LPIN1: variants seen among roughly 807,000 people sequenced by gnomAD.
LPIN1 encodes phosphatidate phosphatase LPIN1.
Under a neutral mutation model 107.5 loss-of-function variants are expected in LPIN1, and 71 were observed. That is an observed-to-expected ratio of 0.66 (90% confidence interval 0.55 to 0.80). The LOEUF is 0.80. LPIN1 is among the 30% of genes least tolerant of loss of function. LPIN1 has a pLI of 0.00. For synonymous variants in LPIN1, 445 were observed against 452.6 expected, an observed-to-expected ratio of 0.98 and a Z score of 0.21; for missense variants, 1,043 against 1,160.6, an observed-to-expected ratio of 0.90 and a Z score of 1.47.
upstream of LPIN1, among the ~76,000 whole-genome samples, chr2:11,742,577 A>G (rs80102993): frequency 6.6e-6 from 1 of 152,180 alleles, no homozygotes; most frequent in Non-Finnish European, 1.5e-5. Context: ...CCACTGTAAC[A>G]GTCCACACTT....
chr2:11,766,919 T>C (rs1486489804), intron 2 of LPIN1, among the ~76,000 whole-genome samples: 1 of 152,202 alleles, frequency 6.6e-6, no homozygotes, highest in African/African-American at 2.4e-5. Flanking sequence ...AGGAAGCCTG[T>C]CCTATCTCCC....
rs555358598 is a variant in LPIN1 at position 11,796,091 on chromosome 2, C to T, written c.1886+604C>T. ...TTATGATGGTGGTATCATATACTGA[C>T]ACTGAATGATTTGCGCTGTACCATC... On this transcript the variant is annotated intron_variant, in intron 14 of 20. Transcript: ENST00000674199. 2.0e-5 allele frequency among the ~76,000 whole-genome samples: 3 copies of T among 152,332 alleles called. No individual in the cohort carries two copies. In the East Asian group the frequency reaches 5.8e-4, roughly 29 times the overall value.
At chr2:11,805,331 C>T in intron 17 of LPIN1, 175 bp downstream of exon 17, 1 of 667,758 alleles carries the variant, frequency 1.5e-6, no homozygotes. Flanking sequence ...GAAAGTGAAT[C>T]CCAGCAACTC....
intron 19 of LPIN1, 143 bp from the exon 20 acceptor site, chr2:11,820,268 G>A (rs1314733084): frequency 1.5e-6 from 1 of 658,302 alleles, no homozygotes; most frequent in Non-Finnish European, 2.8e-6. Context: ...TCCCATCAAA[G>A]GATATTCTTT....
chr2:11,821,760 G>T (rs775747899), intron 20 of LPIN1, among the ~76,000 whole-genome samples: 1 of 152,168 alleles, frequency 6.6e-6, no homozygotes, highest in Non-Finnish European at 1.5e-5. Context: ...TAGGCTAACA[G>T]GAGTCCTGGG....
intron 1 of LPIN1, among the ~76,000 whole-genome samples, chr2:11,706,264 G>A (rs761971639): frequency 4.6e-5 from 7 of 152,226 alleles, no homozygotes; most frequent in African/African-American, 1.4e-4. Flanking sequence ...GCAGCAAGGC[G>A]AGTGAACTGC....
chr2:11,816,283 G>C (rs975307715), intron 18 of LPIN1: 2 of 152,178 alleles, frequency 1.3e-5, no homozygotes, highest in Admixed American at 6.5e-5. Flanking sequence ...GCACAACCTA[G>C]TGTATTTCAA....
rs566143703 is a variant in LPIN1, at chr2:11,697,270, G to A, written c.82-16486G>A. On this transcript the variant is annotated intron_variant, in intron 1 of 21. Transcript: ENST00000449576. This position sits in a 1 kb window ranked among gnomAD's most constrained non-coding sequence, Gnocchi z 4.6. ...CCCCCAGCTGCTTCTGGATACAACC[G>A]CACTACCCAGATGCTTCCTGGCCTC... 1.3e-5 allele frequency among the ~76,000 whole-genome samples: 2 copies of A among 152,334 alleles called. No individual in the cohort carries two copies. The highest frequency in any genetic ancestry group is 2.4e-5 in the African/African-American group (1 of 41,576).
At chr2:11,723,517 C>T (rs1323306499), upstream of LPIN1, 1 of 152,226 alleles carries the variant, frequency 6.6e-6, no homozygotes, top group Non-Finnish European at 1.5e-5. Context: ...ATTACCTGGG[C>T]ATGGTGGCTG....
At position 11,787,078 on chromosome 2, in the gene LPIN1, A is replaced by G; in HGVS notation, c.1554A>G (p.Ala518=). The part of the protein sequence containing the change: ...LSDHREITKD[A]FLEQAVSYQQ... ...CCTCTGCAATTGCTGTCACAGATGC[A>G]TTCCTGGAGCAAGCTGTGTCATATC... The change falls in exon 11 of 21, where the codon GCA becomes GCG. Residue 518 remains alanine, a synonymous_variant. Coordinates refer to ENST00000674199, the MANE Select transcript of LPIN1 (RefSeq NM_001349206.2). 1 of 1,612,444 alleles carries G rather than the reference A, an allele frequency of 6.2e-7. No homozygotes were observed. The highest frequency in any genetic ancestry group is 8.5e-7 in the Non-Finnish European group (1 of 1,178,434).
rs1284445623 is a variant in LPIN1 at position 11,746,664 on chromosome 2, G to A, written c.-17G>A. ...CAATACAAAGGCGGCCACGCGCGGC[G>A]CCGCTCGGTGAGTAGCCGCCGCCTC... On this transcript the variant is annotated 5_prime_UTR_variant, in exon 1 of 21. Transcript: ENST00000674199. 1.2e-5 allele frequency: 12 copies of A among 984,936 alleles called. No homozygotes were observed. The highest frequency in any genetic ancestry group is 1.3e-5 in the Non-Finnish European group (11 of 829,696). The allele number at this position is 984,936 out of a possible 1,614,324, so 61.0% of individuals were successfully genotyped here.
chr2:11,758,931 A>T (rs1669088675), intron 1 of LPIN1, among the ~76,000 whole-genome samples: 1 of 152,206 alleles, frequency 6.6e-6, no homozygotes, highest in Middle Eastern at 3.2e-3. Flanking sequence ...AGAACAAGAG[A>T]GCAGAGCAAC....
chr2:11,740,683 C>T (rs539153348), intron 1 of LPIN1, among the ~76,000 whole-genome samples: 4,094 of 45,886 alleles, frequency 0.089, 237 homozygotes, highest in African/African-American at 0.31. Context: ...GGCTCTATCT[C>T]GAAAAAAAAA....
rs773515418 is a variant in LPIN1 at position 11,795,398 on chromosome 2, T to C, written c.1807-10T>C. 3.1e-6 allele frequency: 5 copies of C among 1,612,508 alleles called. No individual in the cohort carries two copies. The African/African-American group carries it at 4.0e-5, about 13-fold the overall frequency. ...GTACTTCTGTGACTCTTTCTTTTCT[T>C]CTTTTCTAGGAAAGTAAGCCAGAGC... On this transcript the variant is annotated splice_polypyrimidine_tract_variant and intron_variant, in intron 13 of 20. Transcript: ENST00000674199.
chr2:11,820,357 T>C (rs1681300566), intron 19 of LPIN1, 54 bp from the exon 20 acceptor site: 1 of 1,205,994 alleles, frequency 8.3e-7, no homozygotes, highest in South Asian at 1.2e-5. Context: ...TGGACTTGTT[T>C]TTACAATGAA....
At chr2:11,708,217 G>T (rs539879010) in intron 1 of LPIN1, among the ~76,000 whole-genome samples, 1 of 152,310 alleles carries the variant, frequency 6.6e-6, no homozygotes, top group Admixed American at 6.5e-5. Context: ...GAATCCAGCA[G>T]CTTGACTCTC....
chr2:11,743,193 C>T (rs1271977878), upstream of LPIN1, among the ~76,000 whole-genome samples: 1 of 152,226 alleles, frequency 6.6e-6, no homozygotes, highest in Non-Finnish European at 1.5e-5. The surrounding 1 kb of genome is among the most constrained non-coding windows in gnomAD (Gnocchi z 4.7). Context: ...CTCCAAGATG[C>T]TCCTGTGTGT....
chr2:11,781,480 T>C (rs1673562828), intron 7 of LPIN1, among the ~76,000 whole-genome samples: 1 of 152,250 alleles, frequency 6.6e-6, no homozygotes, highest in Non-Finnish European at 1.5e-5. Flanking sequence ...TTTTAGCCCA[T>C]GAATTGCATT....
At chr2:11,706,964 C>A (rs1228920814) in intron 1 of LPIN1, among the ~76,000 whole-genome samples, 1 of 152,126 alleles carries the variant, frequency 6.6e-6, no homozygotes, top group Non-Finnish European at 1.5e-5. Flanking sequence ...CTCTTCCTCC[C>A]AGTTCTAAAA....
Sources: gnomAD v4.1 joint callset for allele counts (sites outside exome capture counted in the v4.1 genomes callset) on GRCh38, gnomAD v4.1.1 for gene constraint, Gnocchi (gnomAD v3.1) non-coding constraint, MANE v1.5 for transcripts, NCBI Gene and HGNC (gene_info 2026-07-23, HGNC 2026-07-21) for gene names.